Variants in TPRKB observed in about 807,000 individuals in gnomAD.
TPRKB encodes the protein EKC/KEOPS complex subunit TPRKB.
TPRKB carries 11 observed loss-of-function variants against 17.8 expected under a neutral mutation model. The observed-to-expected ratio is 0.62, with a 90% CI of 0.39 to 1.02. The LOEUF is 1.02. Among genes scored for constraint, TPRKB ranks in the 50% least tolerant of loss-of-function variants. TPRKB has a pLI of 0.00. For missense variants in TPRKB, 228 were observed against 198.0 expected, an observed-to-expected ratio of 1.15 and a Z score of -0.91; for synonymous variants, 71 against 69.5, an observed-to-expected ratio of 1.02 and a Z score of -0.11.
intron 2 of TPRKB, among the ~76,000 whole-genome samples, chr2:73,734,063 C>T (rs1359871740): frequency 6.6e-6 from 1 of 150,998 alleles, no homozygotes; most frequent in Non-Finnish European, 1.5e-5. Context: ...GCCTCGGCCT[C>T]CCAAAGGGCT....
At chr2:73,734,615 A>G (rs772771441) in intron 1 of TPRKB, 24 bp from the exon 2 acceptor site, 13 of 1,525,916 alleles carry the variant, frequency 8.5e-6, no homozygotes, top group Admixed American at 2.3e-5. Flanking sequence ...GAAAAGACCA[A>G]AAGATTTCAT....
At chr2:73,734,665 C>A (rs903434603) in intron 1 of TPRKB, 74 bp from the exon 2 acceptor site, 1 of 1,330,610 alleles carries the variant, frequency 7.5e-7, no homozygotes, top group African/African-American at 1.5e-5. Flanking sequence ...AATAAATATT[C>A]AAAAACTTTG....
intron 1 of TPRKB, among the ~76,000 whole-genome samples, chr2:73,735,538 C>T (rs1318509396): frequency 1.3e-5 from 2 of 151,988 alleles, no homozygotes; most frequent in Non-Finnish European, 1.5e-5. Context: ...ATTCATTCCA[C>T]GCATGGAAAT....
intron 2 of TPRKB, 152 bp downstream of exon 2, chr2:73,734,277 T>G (rs576942158): frequency 1.3e-5 from 9 of 671,872 alleles, no homozygotes; most frequent in Non-Finnish European, 1.8e-5. Context: ...TTTTGTATTT[T>G]TAGTTGAGAC....
rs1671564063 is a variant in TPRKB, at chr2:73,730,703, C to T, written c.298G>A (p.Ala100Thr). 6.6e-7 allele frequency: 1 copy of T among 1,526,204 alleles called. No individual in the cohort carries two copies. Among genetic ancestry groups the T allele is most frequent in the Non-Finnish European group, 8.7e-7 (1 of 1,148,240 alleles). 94.5% of individuals were successfully genotyped at this position (1,526,204 alleles called of 1,614,324 possible). The part of the protein sequence containing the change: ...SEALKKFGIS[A>T]NDTSILIVYI... ...ACAATTAGAATTGAAGTGTCATTTG[C>T]TGAGATACCAAATTTTTTCAAAGCC... is the stretch of plus-strand genomic sequence containing the variant. The change falls in exon 4 of 5, where the codon GCA (alanine) becomes ACA (threonine). Residue 100 changes from alanine to threonine, a missense_variant. Ala to Thr is a moderately conservative substitution (Grantham distance 58). Transcript: ENST00000272424.
chr2:73,730,539 T>C (rs1344646573), intron 4 of TPRKB, 21 bp downstream of exon 4: 9 of 1,546,672 alleles, frequency 5.8e-6, no homozygotes, highest in Admixed American at 2.1e-5. Flanking sequence ...ACACTCTTTC[T>C]AAAAATATGG....
rs112018847 is a variant in TPRKB, at chr2:73,734,346, G to A, written c.141+83C>T. The A allele has an allele frequency of 3.4e-5, 48 of 1,405,224 alleles. No homozygotes were observed. The South Asian group carries it at 3.5e-4, about 10-fold the overall frequency. 87.0% of individuals were successfully genotyped at this position (1,405,224 alleles called of 1,614,324 possible). A position where few individuals can be genotyped will look rare whatever the true frequency, so the allele number is the denominator to read the frequency against. On this transcript the variant is annotated intron_variant, in intron 2 of 4. Transcript: ENST00000272424. ...ACTCCTGACCTCAGATGATCCACCC[G>A]CCTCGGCCTCCTAAAGTGCTGGCAT... is the stretch of plus-strand genomic sequence containing the variant.
At chr2:73,733,799 T>TATGGCTC (rs1178775222) in intron 2 of TPRKB, among the ~76,000 whole-genome samples, 1 of 151,452 alleles carries the variant, frequency 6.6e-6, no homozygotes, top group Non-Finnish European at 1.5e-5. Context: ...AAATGCCCTG[T>TATGGCTC]ATGGCTCATT....
chr2:73,730,868 A>C, intron 3 of TPRKB, 132 bp from the exon 4 acceptor site: 1 of 573,424 alleles, frequency 1.7e-6, no homozygotes, highest in Non-Finnish European at 2.8e-6. Flanking sequence ...CTCACTGCCT[A>C]CTTTTTCACT....
At chr2:73,732,038 T>G in intron 3 of TPRKB, 125 bp downstream of exon 3, 1 of 1,070,102 alleles carries the variant, frequency 9.3e-7, no homozygotes, top group Non-Finnish European at 1.4e-6. Flanking sequence ...TGTCCAGAGC[T>G]CTCTTCACTA....
In TPRKB at chr2:73,732,221, T is replaced by A; in HGVS notation, c.206A>T (p.Lys69Ile). 6.2e-7 allele frequency: 1 copy of A among 1,614,116 alleles called. No homozygotes were observed. The highest frequency in any genetic ancestry group is 8.5e-7 in the Non-Finnish European group (1 of 1,179,972). The change falls in exon 3 of 5, where the codon AAA (lysine) becomes ATA (isoleucine). Residue 69 changes from lysine (K) to isoleucine (I), a missense_variant. Physicochemically the swap from Lys to Ile is moderately radical, Grantham distance 102 (BLOSUM62 -3). Transcript: ENST00000272424. ...AGTAGATAGAGTTCTTGTCTTCATT[T>A]TTCCCAGTTTGTAGAGGTGAACTGC... ...NKAVHLYKLG[K>I]MKTRTLSTEI... is the part of the protein sequence containing the mutation.
At chr2:73,730,830 G>T in intron 3 of TPRKB, 94 bp from the exon 4 acceptor site, 1 of 926,746 alleles carries the variant, frequency 1.1e-6, no homozygotes, top group Non-Finnish European at 1.5e-6. Flanking sequence ...TCCTTGGTCA[G>T]GCTCTTATTT....
chr2:73,731,426 A>C (rs1366091425), intron 3 of TPRKB, among the ~76,000 whole-genome samples: 1 of 152,200 alleles, frequency 6.6e-6, no homozygotes, highest in Non-Finnish European at 1.5e-5. Flanking sequence ...TCTCAAGGAA[A>C]CCATAATTAG....
chr2:73,734,523 GTT>G lies in TPRKB; in HGVS notation c.45_46del (p.Thr16ProfsTer5), dbSNP rs771547546. 3.1e-6 allele frequency: 5 copies of G among 1,613,916 alleles called. No homozygotes were observed. Among genetic ancestry groups the G allele is most frequent in the Non-Finnish European group, 4.2e-6 (5 of 1,179,958 alleles). ...TTTTACATCTTTAAATAACAGAAGG[GTT>G]ACCCTGCATTCGGGAAATAGGTCCA... On this transcript the variant is annotated frameshift_variant, in exon 2 of 5. Coordinates refer to ENST00000272424, the MANE Select transcript of TPRKB (RefSeq NM_016058.5). LOFTEE classifies it high-confidence loss of function.
intron 2 of TPRKB, 107 bp downstream of exon 2, chr2:73,734,322 C>T: frequency 8.6e-7 from 1 of 1,167,416 alleles, no homozygotes; most frequent in Non-Finnish European, 1.2e-6. Context: ...TGGTCTTCAA[C>T]TCCTGACCTC....
intron 3 of TPRKB, chr2:73,730,999 C>T (rs986055027): frequency 3.7e-6 from 1 of 269,660 alleles, no homozygotes; most frequent in Non-Finnish European, 6.9e-6. Context: ...CACCTCCTCC[C>T]TCTGGTGCCA....
intron 4 of TPRKB, 38 bp downstream of exon 4, chr2:73,730,521 CA>C: frequency 7.0e-7 from 1 of 1,427,736 alleles, no homozygotes; most frequent in Non-Finnish European, 9.5e-7. Context: ...CATTATTGCT[CA>C]TCTATCACAC....
At chr2:73,736,262 T>C (rs543654120) in intron 1 of TPRKB, among the ~76,000 whole-genome samples, 2 of 152,270 alleles carry the variant, frequency 1.3e-5, no homozygotes, top group South Asian at 2.1e-4. Context: ...ATCCCAATTA[T>C]ATAAAAAGAT....
At chr2:73,730,148 C>T in intron 4 of TPRKB, 119 bp from the exon 5 acceptor site, 1 of 1,177,582 alleles carries the variant, frequency 8.5e-7, no homozygotes, top group South Asian at 1.6e-5. Context: ...CATGGTATAA[C>T]AAACAACAAA....
Sources: gnomAD v4.1 joint callset for allele counts (sites outside exome capture counted in the v4.1 genomes callset) on GRCh38, gnomAD v4.1.1 for gene constraint, MANE v1.5 for transcripts, NCBI Gene and HGNC (gene_info 2026-07-23, HGNC 2026-07-21) for gene names.